The following RYR3 variants were observed in gnomAD, a reference collection of about 807,000 sequenced individuals.
RYR3 encodes the protein ryanodine receptor 3, also known as brain ryanodine receptor-calcium release channel.
A neutral mutation model predicts 584.3 loss-of-function variants in RYR3; 207 were observed. The ratio of observed to expected loss-of-function variants is 0.35; its 90% CI spans 0.32 to 0.40. The LOEUF is 0.40. Among genes scored for constraint, RYR3 ranks in the 10% least tolerant of loss-of-function variants. RYR3 has a pLI of 1.00. For synonymous variants in RYR3, 2,416 were observed against 2,248.5 expected, an observed-to-expected ratio of 1.07 and a Z score of -2.11; for missense variants, 5,616 against 6,089.2, an observed-to-expected ratio of 0.92 and a Z score of 2.59.
intron 53 of RYR3, among the ~76,000 whole-genome samples, chr15:33,747,866 T>C (rs993209365): frequency 3.9e-5 from 6 of 152,234 alleles, no homozygotes; most frequent in Admixed American, 2.6e-4. Flanking sequence ...AGAATGTAGA[T>C]AATGTCATTA....
rs1596804345 is a variant in RYR3 at position 33,821,260 on chromosome 15, TTC to T, written c.10816-9_10816-8del. 3 of 1,580,656 alleles carry T rather than the reference TTC, an allele frequency of 1.9e-6. No homozygotes were observed. Among genetic ancestry groups the T allele is most frequent in the Admixed American group, 1.8e-5 (1 of 54,958 alleles). On this transcript the variant is annotated splice_region_variant and splice_polypyrimidine_tract_variant and intron_variant, in intron 78 of 103. Transcript: ENST00000634891. Reference sequence around the variant, plus strand: ...AACCAATCTTTCCCTGTGATTTTTTTTCCCCCCAGGAGAAAGAGATGGAGAAG... The same window carrying T: ...AACCAATCTTTCCCTGTGATTTTTTTCCCCCAGGAGAAAGAGATGGAGAAG...
intron 16 of RYR3, among the ~76,000 whole-genome samples, chr15:33,593,085 T>C (rs1406877499): frequency 6.6e-6 from 1 of 152,220 alleles, no homozygotes; most frequent in African/African-American, 2.4e-5. Flanking sequence ...GGTTACATTC[T>C]TCTGAGTTTG....
intron 99 of RYR3, chr15:33,859,163 C>G (rs1034558241): frequency 6.2e-6 from 1 of 161,954 alleles, no homozygotes; most frequent in Non-Finnish European, 1.3e-5. Flanking sequence ...CCTGCCCTAC[C>G]AGGTGTAAGG....
At chr15:33,706,885 G>A (rs369008615) in intron 42 of RYR3, 34 bp from the exon 43 acceptor site, 82 of 1,561,594 alleles carry the variant, frequency 5.3e-5, no homozygotes, top group Admixed American at 2.7e-4. Context: ...ATCCTAATGC[G>A]TGCGAAAGAA....
intron 18 of RYR3, among the ~76,000 whole-genome samples, chr15:33,605,286 C>T (rs1197833336): frequency 6.6e-6 from 1 of 152,178 alleles, no homozygotes; most frequent in Non-Finnish European, 1.5e-5. Context: ...GAGGGCTACT[C>T]TGTGCATTTC....
At chr15:33,638,746 G>T (rs2061637338) in intron 27 of RYR3, among the ~76,000 whole-genome samples, 1 of 152,210 alleles carries the variant, frequency 6.6e-6, no homozygotes. Context: ...CGATAATAAT[G>T]CAGAGCAGTA....
At chr15:33,383,709 C>G (rs1009069668) in intron 1 of RYR3, among the ~76,000 whole-genome samples, 2 of 152,138 alleles carry the variant, frequency 1.3e-5, no homozygotes, top group Non-Finnish European at 2.9e-5. Flanking sequence ...TCCACCCTCC[C>G]CCATCTAGCA....
chr15:33,528,612 T>A (rs937117221), intron 3 of RYR3, among the ~76,000 whole-genome samples: 1 of 152,218 alleles, frequency 6.6e-6, no homozygotes, highest in African/African-American at 2.4e-5. Flanking sequence ...AGCACATAGT[T>A]AAGTGCCCTC....
chr15:33,509,676 C>T (rs2052798414), intron 3 of RYR3, among the ~76,000 whole-genome samples: 1 of 152,128 alleles, frequency 6.6e-6, no homozygotes, highest in East Asian at 1.9e-4. Flanking sequence ...AGGTCTTGCC[C>T]ATGTATGTGT....
At chr15:33,474,260 G>C (rs2049176032) in intron 2 of RYR3, among the ~76,000 whole-genome samples, 1 of 152,210 alleles carries the variant, frequency 6.6e-6, no homozygotes, top group African/African-American at 2.4e-5. Flanking sequence ...CAGATGGGCA[G>C]ATGGGTGGAT....
At chr15:33,846,503 AT>A (rs1385128306) in intron 93 of RYR3, among the ~76,000 whole-genome samples, 3 of 151,914 alleles carry the variant, frequency 2.0e-5, no homozygotes, top group African/African-American at 4.8e-5. Flanking sequence ...TTCTCATTAC[AT>A]TTTTTTCTTC....
chr15:33,848,192 C>A, intron 93 of RYR3, 99 bp from the exon 94 acceptor site: 1 of 1,450,324 alleles, frequency 6.9e-7, no homozygotes, highest in Non-Finnish European at 9.6e-7. Context: ...AAGGAGATTG[C>A]TGCTCTGAAG....
intron 2 of RYR3, among the ~76,000 whole-genome samples, chr15:33,493,969 G>A (rs1399500387): frequency 6.6e-6 from 1 of 152,162 alleles, no homozygotes; most frequent in African/African-American, 2.4e-5. Flanking sequence ...ATTGATGCAA[G>A]TGTTGTTCTC....
chr15:33,610,928 G>C (rs78550505), intron 18 of RYR3, among the ~76,000 whole-genome samples: 9,053 of 152,236 alleles, frequency 0.059, 507 homozygotes, highest in East Asian at 0.15. Context: ...GTGCCATCAT[G>C]TCAGTGCTCA....
At position 33,382,092 on chromosome 15, in the gene RYR3, G is replaced by T. The variant is rs148314764; in HGVS notation, c.51+70996G>T. Among the ~76,000 whole-genome samples the T allele has an allele frequency of 4.6e-4, 70 of 152,286 alleles. 2 individuals are homozygous for T. Among genetic ancestry groups the T allele is most frequent in the African/African-American group, 1.6e-3 (66 of 41,558 alleles). On this transcript the variant is annotated intron_variant, in intron 1 of 103. Coordinates refer to ENST00000634891, the MANE Select transcript of RYR3 (RefSeq NM_001036.6). ...CCAATGAAAGGCCAAAGAGGGCACT[G>T]CAAGCAGATGTAACCTAGAAGGATG...
chr15:33,825,699 G>C, intron 82 of RYR3, 23 bp downstream of exon 82: 1 of 1,259,642 alleles, frequency 7.9e-7, no homozygotes, highest in African/African-American at 1.5e-5. Context: ...TGAATGTGAA[G>C]GCCATTCTCT....
chr15:33,386,374 TA>T (rs1007086898), intron 1 of RYR3, among the ~76,000 whole-genome samples: 12 of 152,216 alleles, frequency 7.9e-5, no homozygotes, highest in African/African-American at 1.9e-4. Flanking sequence ...AGTGTTAATA[TA>T]AAAATATGTG....
chr15:33,724,604 C>T (rs114881605), intron 45 of RYR3, among the ~76,000 whole-genome samples: 52 of 152,302 alleles, frequency 3.4e-4, no homozygotes, highest in Middle Eastern at 3.4e-3. Context: ...ATTTTTCCCC[C>T]AGAGGTAGAG....
At chr15:33,360,909 G>A (rs1478346019) in intron 1 of RYR3, among the ~76,000 whole-genome samples, 1 of 152,250 alleles carries the variant, frequency 6.6e-6, no homozygotes, top group African/African-American at 2.4e-5. Context: ...CCTGAGCAGA[G>A]GTTGCACACC....
Sources: gnomAD v4.1 joint callset for allele counts (sites outside exome capture counted in the v4.1 genomes callset) on GRCh38, gnomAD v4.1.1 for gene constraint, MANE v1.5 for transcripts, NCBI Gene and HGNC (gene_info 2026-07-23, HGNC 2026-07-21) for gene names.